The following SLC25A15 variants were observed in gnomAD, a reference collection of about 807,000 sequenced individuals.
The protein encoded by SLC25A15 is solute carrier family 25 member 15.
SLC25A15 carries 24 observed loss-of-function variants against 32.3 expected under a neutral mutation model. That is an observed-to-expected ratio of 0.74 (90% CI 0.54 to 1.04). The LOEUF (loss-of-function observed/expected upper bound fraction) is 1.04, where lower values mean the gene tolerates loss of function less well. Ranked by LOEUF, SLC25A15 falls within the 50% of genes least tolerant of loss-of-function variation. The pLI is 0.00. For synonymous variants in SLC25A15, 132 were observed against 142.1 expected (o/e 0.93, Z 0.51); for missense variants, 317 against 374.5 (o/e 0.85, Z 1.27).
At position 40,809,865 on chromosome 13, in the gene SLC25A15, C is replaced by A; in HGVS notation, c.*198C>A. ...CATATCATTTCTGTCCATAATTGTA[C>A]TGAAATAGAAAAGTGACCGCTCTTG... On this transcript the variant is annotated 3_prime_UTR_variant, in exon 7 of 7. Transcript: ENST00000338625. 1.7e-6 allele frequency: 1 copy of A among 602,608 alleles called. No individual in the cohort carries two copies. Among genetic ancestry groups the A allele is most frequent in the Non-Finnish European group, 2.9e-6 (1 of 342,836 alleles). 37.3% of individuals were successfully genotyped at this position (602,608 alleles called of 1,614,324 possible). A position where few individuals can be genotyped will look rare whatever the true frequency, so the allele number is the denominator to read the frequency against.
At chr13:40,805,465 G>A (rs184268823) in intron 4 of SLC25A15, among the ~76,000 whole-genome samples, 60 of 152,306 alleles carry the variant, frequency 3.9e-4, no homozygotes, top group Non-Finnish European at 7.4e-5. Context: ...GTCTTAGACA[G>A]ATATTTAATA....
At chr13:40,789,745 C>T (rs1881415257) in intron 1 of SLC25A15, 82 bp downstream of exon 1, 1 of 152,084 alleles carries the variant, frequency 6.6e-6, no homozygotes, top group Admixed American at 6.6e-5. Flanking sequence ...CGGGGCGGGC[C>T]TCGGTGTGCG....
At position 40,808,575 on chromosome 13, in the gene SLC25A15, A is replaced by C. The variant is rs17849654; in HGVS notation, c.760A>C (p.Ile254Leu). 1.2e-6 allele frequency: 2 copies of C among 1,605,630 alleles called. No individual in the cohort carries two copies. Among genetic ancestry groups the C allele is most frequent in the Non-Finnish European group, 1.7e-6 (2 of 1,179,498 alleles). The change falls in exon 6 of 7, where the codon ATA (isoleucine) becomes CTA (leucine). Residue 254 changes from isoleucine (I) to leucine (L), a missense_variant. Transcript: ENST00000338625. ...GKQAGFIRTFINVVKNEGITA... is the reference protein window; with the variant it reads ...GKQAGFIRTFLNVVKNEGITA... ...ACAGGCAGGATTTATCAGAACCTTT[A>C]TAAATGTTGTGAAAAATGAAGGTGA...
At position 40,811,525 on chromosome 13, in the gene SLC25A15, T is replaced by G. The variant is rs1021812519; in HGVS notation, c.*1858T>G. Reference sequence around the variant, plus strand: ...GAAAAGAAAAGCAATTGTACTTCACTATGCCATATGTATGTATTCACTGAC... The same window carrying G: ...GAAAAGAAAAGCAATTGTACTTCACGATGCCATATGTATGTATTCACTGAC... On this transcript the variant is annotated 3_prime_UTR_variant, in exon 7 of 7. Coordinates refer to ENST00000338625, the MANE Select transcript of SLC25A15 (RefSeq NM_014252.4). Among the ~76,000 whole-genome samples the G allele has an allele frequency of 1.5e-4, 23 of 152,082 alleles. No individual in the cohort carries two copies. The highest frequency in any genetic ancestry group is 5.1e-4 in the African/African-American group (21 of 41,494).
chr13:40,795,688 G>T (rs1199325524), intron 2 of SLC25A15, among the ~76,000 whole-genome samples: 1 of 152,092 alleles, frequency 6.6e-6, no homozygotes, highest in Non-Finnish European at 1.5e-5. Context: ...TATAGGTTGG[G>T]GGCTGGGCAG....
intron 3 of SLC25A15, among the ~76,000 whole-genome samples, chr13:40,802,497 G>C (rs547665657): frequency 6.6e-6 from 1 of 152,184 alleles, no homozygotes; most frequent in South Asian, 2.1e-4. Context: ...CCAGGGCCAA[G>C]ACTGGTGCCA....
intron 4 of SLC25A15, 90 bp from the exon 5 acceptor site, chr13:40,807,203 TG>T: frequency 8.5e-7 from 1 of 1,181,588 alleles, no homozygotes. Context: ...TACTAGTGCT[TG>T]ATCAGATCTG....
At chr13:40,802,457 A>G (rs1268296823) in intron 3 of SLC25A15, among the ~76,000 whole-genome samples, 1 of 152,216 alleles carries the variant, frequency 6.6e-6, no homozygotes, top group Admixed American at 6.5e-5. Flanking sequence ...TGGCCATGGT[A>G]CAGAAGCTAG....
At chr13:40,807,486 C>T in intron 5 of SLC25A15, 23 bp downstream of exon 5, 1 of 1,612,792 alleles carries the variant, frequency 6.2e-7, no homozygotes, top group East Asian at 2.2e-5. Flanking sequence ...GCATTGACAG[C>T]AGTGGGGTGT....
intron 3 of SLC25A15, 24 bp downstream of exon 3, chr13:40,799,339 T>A (rs375969910): frequency 6.8e-6 from 11 of 1,613,890 alleles, no homozygotes; most frequent in South Asian, 4.4e-5. Flanking sequence ...ACACACTTTT[T>A]TTATTTGTTT....
Position 40,810,828 on chromosome 13 carries a change from C to G in SLC25A15, c.*1161C>G. 1 of 534,796 alleles carries G rather than the reference C, an allele frequency of 1.9e-6. No homozygotes were observed. The highest frequency in any genetic ancestry group is 3.8e-6 in the Non-Finnish European group (1 of 260,100). The allele number at this position is 534,796 out of a possible 1,614,324, so 33.1% of individuals were successfully genotyped here. On this transcript the variant is annotated 3_prime_UTR_variant, in exon 7 of 7. Transcript: ENST00000338625. Reference sequence around the variant, plus strand: ...TGTGCTCTGATGAAGACCCATGTGGCTAGCAACAGCGCTTACCTTTTGTCT... The same window carrying G: ...TGTGCTCTGATGAAGACCCATGTGGGTAGCAACAGCGCTTACCTTTTGTCT...
rs886050247 is a variant in SLC25A15, at chr13:40,811,649, A to C, written c.*1982A>C. Reference sequence around the variant, plus strand: ...TTCTTTGGCCATATGGTATAAGAGGATCATTCTTGTCACTACTTAAGTTAG... The same window carrying C: ...TTCTTTGGCCATATGGTATAAGAGGCTCATTCTTGTCACTACTTAAGTTAG... On this transcript the variant is annotated 3_prime_UTR_variant, in exon 7 of 7. Transcript: ENST00000338625. Among the ~76,000 whole-genome samples the C allele has an allele frequency of 3.3e-5, 5 of 152,182 alleles. No individual in the cohort carries two copies. The highest frequency in any genetic ancestry group is 4.8e-5 in the African/African-American group (2 of 41,442).
At position 40,808,421 on chromosome 13, in the gene SLC25A15, A is replaced by T. The variant is rs191780003; in HGVS notation, c.623-17A>T. On this transcript the variant is annotated splice_polypyrimidine_tract_variant and intron_variant, in intron 5 of 6. Transcript: ENST00000338625. ...TTCTTGAGACAAAATACCATTTGCT[A>T]TTTTTTTTTTCTCTAGGCCCTGTAC... is the stretch of plus-strand genomic sequence containing the variant. The T allele has an allele frequency of 5.6e-6, 8 of 1,430,316 alleles. No individual in the cohort carries two copies. The highest frequency in any genetic ancestry group is 4.3e-5 in the African/African-American group (3 of 70,248). The allele number at this position is 1,430,316 out of a possible 1,614,324, so 88.6% of individuals were successfully genotyped here.
intron 1 of SLC25A15, among the ~76,000 whole-genome samples, chr13:40,791,299 C>CTTTT (rs1446020997): frequency 6.4e-5 from 6 of 93,114 alleles, no homozygotes; most frequent in African/African-American, 1.5e-4. Flanking sequence ...CCCTGATAAA[C>CTTTT]TTTTTATTTA....
chr13:40,791,089 T>C lies in SLC25A15; in HGVS notation c.-70+1426T>C, dbSNP rs564360437. On this transcript the variant is annotated intron_variant, in intron 1 of 6. Coordinates refer to ENST00000338625, the MANE Select transcript of SLC25A15 (RefSeq NM_014252.4). The stretch of plus-strand genomic sequence containing the variant: ...GTCTGCTCAGTTGCCCCCGTTTTTT[T>C]CTTTCCCAAAAATATAGGGTTGGGT... Among the ~76,000 whole-genome samples, 8 of 152,036 alleles carry C rather than the reference T, an allele frequency of 5.3e-5. No homozygotes were observed. The South Asian group carries it at 1.2e-3, about 24-fold the overall frequency.
chr13:40,801,518 G>A (rs944056097), intron 3 of SLC25A15, among the ~76,000 whole-genome samples: 1 of 152,164 alleles, frequency 6.6e-6, no homozygotes, highest in East Asian at 1.9e-4. Context: ...ACCCCGCTAA[G>A]GACTTGAAAT....
At chr13:40,808,383 G>A (rs761755312) in intron 5 of SLC25A15, 55 bp from the exon 6 acceptor site, 3 of 1,491,504 alleles carry the variant, frequency 2.0e-6, no homozygotes, top group South Asian at 1.1e-5. Context: ...CTCTGGAAAT[G>A]TCACATCAGC....
intron 4 of SLC25A15, among the ~76,000 whole-genome samples, chr13:40,806,225 A>G (rs560261296): frequency 6.6e-6 from 1 of 152,344 alleles, no homozygotes; most frequent in South Asian, 2.1e-4. Flanking sequence ...CACAGTATGC[A>G]GCTCTATAAA....
Position 40,809,578 on chromosome 13 carries a change from A to T in SLC25A15, c.817A>T (p.Met273Leu). Residue 273 changes from methionine to leucine, a missense_variant, in exon 7 of 7, where the codon ATG becomes TTG. Transcript: ENST00000338625. ...TALYSGLKPT[M>L]IRAFPANGAL... The stretch of plus-strand genomic sequence containing the variant: ...CTTATATTCTGGACTGAAACCTACT[A>T]TGATTCGAGCATTCCCTGCCAATGG... The T allele has an allele frequency of 6.2e-7, 1 of 1,612,050 alleles. No individual in the cohort carries two copies.
Sources: gnomAD v4.1 joint callset for allele counts (sites outside exome capture counted in the v4.1 genomes callset) on GRCh38, gnomAD v4.1.1 for gene constraint, MANE v1.5 for transcripts, NCBI Gene and HGNC (gene_info 2026-07-23, HGNC 2026-07-21) for gene names.